Variants in BCHE observed in about 807,000 individuals in gnomAD.
The protein encoded by BCHE is butyrylcholinesterase, also known as cholinesterase.
A neutral mutation model predicts 51.3 loss-of-function variants in BCHE; 48 were observed. The ratio of observed to expected loss-of-function variants is 0.94; its 90% CI spans 0.74 to 1.19. BCHE has a LOEUF of 1.19. Among genes scored for constraint, BCHE ranks in the 50% most tolerant of loss-of-function variants. The pLI is 0.00. For missense variants in BCHE, 847 were observed against 708.2 expected, an observed-to-expected ratio of 1.20 and a Z score of -2.23; for synonymous variants, 251 against 238.0, an observed-to-expected ratio of 1.05 and a Z score of -0.50.
chr3:165,806,362 T>G (rs1713864472), intron 2 of BCHE, among the ~76,000 whole-genome samples: 1 of 152,218 alleles, frequency 6.6e-6, no homozygotes, highest in South Asian at 2.1e-4. Context: ...CTTCTAAGAC[T>G]GGACTGAGTT....
Position 165,829,403 on chromosome 3 carries a change from A to G in BCHE, c.1517+114T>C. The G allele has an allele frequency of 3.1e-6, 3 of 971,076 alleles. 1 individual carries two copies. The East Asian group carries it at 7.5e-5, about 24-fold the overall frequency. 60.2% of individuals were successfully genotyped at this position (971,076 alleles called of 1,614,324 possible). A position where few individuals can be genotyped will look rare whatever the true frequency, so the allele number is the denominator to read the frequency against. On this transcript the variant is annotated intron_variant, in intron 2 of 3. Coordinates refer to ENST00000264381, the MANE Select transcript of BCHE (RefSeq NM_000055.4). Reference sequence around the variant, plus strand: ...AAACCAGCTTTGGTACAAATAGAACAAATAATTAAAACATTTCTGTGTCTT... The same window carrying G: ...AAACCAGCTTTGGTACAAATAGAACGAATAATTAAAACATTTCTGTGTCTT...
chr3:165,836,718 G>A (rs1278305383), intron 1 of BCHE, among the ~76,000 whole-genome samples: 1 of 151,966 alleles, frequency 6.6e-6, no homozygotes, highest in Non-Finnish European at 1.5e-5. Context: ...GAACACAAAG[G>A]GCAAAGGGGA....
intron 2 of BCHE, among the ~76,000 whole-genome samples, chr3:165,818,230 C>T (rs866652740): frequency 6.6e-6 from 1 of 151,442 alleles, no homozygotes; most frequent in Non-Finnish European, 1.5e-5. Flanking sequence ...ATAATATAAA[C>T]TATAAAATAA....
At chr3:165,813,469 T>C (rs1714187465) in intron 2 of BCHE, among the ~76,000 whole-genome samples, 1 of 151,702 alleles carries the variant, frequency 6.6e-6, no homozygotes, top group Non-Finnish European at 1.5e-5. Flanking sequence ...ACCTCTGGTT[T>C]ACCAATATTT....
chr3:165,832,582 G>A (rs766031201), intron 1 of BCHE, among the ~76,000 whole-genome samples: 3 of 152,024 alleles, frequency 2.0e-5, no homozygotes, highest in Admixed American at 6.6e-5. Context: ...ATGAGCCACC[G>A]CGCCCGGCCA....
At chr3:165,773,990 A>T (rs1159096782) in intron 3 of BCHE, among the ~76,000 whole-genome samples, 4 of 152,078 alleles carry the variant, frequency 2.6e-5, no homozygotes, top group Non-Finnish European at 5.9e-5. Flanking sequence ...CCTCTCAGGG[A>T]TACCAAAATC....
At chr3:165,788,867 C>T (rs1203897075) in intron 2 of BCHE, among the ~76,000 whole-genome samples, 1 of 152,018 alleles carries the variant, frequency 6.6e-6, no homozygotes, top group Non-Finnish European at 1.5e-5. Context: ...ATAGATGCAG[C>T]TATTTCAAAA....
In BCHE at chr3:165,788,555, C is replaced by G. The variant is rs1335291569; in HGVS notation, c.1518-2244G>C. Among the ~76,000 whole-genome samples, 3 of 152,198 alleles carry G rather than the reference C, an allele frequency of 2.0e-5. No homozygotes were observed. In the South Asian group the frequency reaches 6.2e-4, roughly 32 times the overall value. On this transcript the variant is annotated intron_variant, in intron 2 of 3. Transcript: ENST00000264381. ...AAGCTGTAGAAACTAACAAGTACAG[C>G]TGCTGGAGGCTGGATATTAAACCAG...
intron 2 of BCHE, among the ~76,000 whole-genome samples, chr3:165,806,946 T>A (rs1279996411): frequency 6.6e-6 from 1 of 152,036 alleles, no homozygotes; most frequent in Non-Finnish European, 1.5e-5. Context: ...ACCGTGTCTT[T>A]AGGAGGTTAT....
chr3:165,774,168 T>C (rs1214396180), intron 3 of BCHE, among the ~76,000 whole-genome samples: 1 of 152,150 alleles, frequency 6.6e-6, no homozygotes, highest in East Asian at 1.9e-4. Context: ...ATGTTTAGTA[T>C]AGATGTATTT....
chr3:165,821,598 C>G (rs1013247652), intron 2 of BCHE, among the ~76,000 whole-genome samples: 1 of 151,746 alleles, frequency 6.6e-6, no homozygotes, highest in East Asian at 1.9e-4. Flanking sequence ...CATTAGAGAA[C>G]AAATTATTGA....
intron 1 of BCHE, 23 bp from the exon 2 acceptor site, chr3:165,831,064 GT>G (rs757985762): frequency 1.3e-6 from 2 of 1,569,696 alleles, no homozygotes; most frequent in South Asian, 1.1e-5. Flanking sequence ...TAAGTATAAT[GT>G]TTTATAAGCC....
intron 3 of BCHE, among the ~76,000 whole-genome samples, chr3:165,779,285 G>A (rs1712591808): frequency 6.6e-6 from 1 of 152,040 alleles, no homozygotes; most frequent in African/African-American, 2.4e-5. Flanking sequence ...AAAATAATAA[G>A]AGCTATTTAT....
chr3:165,807,518 ATTTAT>A (rs1054617220), intron 2 of BCHE, among the ~76,000 whole-genome samples: 42 of 121,324 alleles, frequency 3.5e-4, no homozygotes, highest in African/African-American at 1.6e-3. Flanking sequence ...TTATTATGAG[ATTTAT>A]TTATTTATTT....
intron 2 of BCHE, among the ~76,000 whole-genome samples, chr3:165,807,713 C>G (rs994509280): frequency 4.0e-5 from 6 of 151,676 alleles, no homozygotes; most frequent in Non-Finnish European, 7.4e-5. Context: ...TGCCACCACA[C>G]TTGGCAATTT....
intron 2 of BCHE, among the ~76,000 whole-genome samples, chr3:165,788,200 T>C (rs1468196783): frequency 1.3e-5 from 2 of 152,022 alleles, no homozygotes; most frequent in African/African-American, 4.8e-5. Context: ...CCAGTATGGT[T>C]ATCAAGAGGC....
At chr3:165,814,071 C>A (rs953401348) in intron 2 of BCHE, among the ~76,000 whole-genome samples, 2 of 151,880 alleles carry the variant, frequency 1.3e-5, no homozygotes, top group African/African-American at 2.4e-5. Context: ...TAGGTAGTAT[C>A]CCTCATATTA....
At chr3:165,787,831 G>T (rs1423504720) in intron 2 of BCHE, among the ~76,000 whole-genome samples, 1 of 151,890 alleles carries the variant, frequency 6.6e-6, no homozygotes, top group Non-Finnish European at 1.5e-5. Flanking sequence ...TGACTAAATG[G>T]CTAGTGTGAG....
chr3:165,773,732 A>G (rs933184321), intron 3 of BCHE, among the ~76,000 whole-genome samples: 21 of 151,922 alleles, frequency 1.4e-4, no homozygotes, highest in Non-Finnish European at 1.0e-4. Context: ...AATTTATATA[A>G]CGTATAACAT....
Sources: gnomAD v4.1 joint callset for allele counts (sites outside exome capture counted in the v4.1 genomes callset) on GRCh38, gnomAD v4.1.1 for gene constraint, MANE v1.5 for transcripts, NCBI Gene and HGNC (gene_info 2026-07-23, HGNC 2026-07-21) for gene names.